CCSER1: variants seen among roughly 807,000 people sequenced by gnomAD.
The protein encoded by CCSER1 is coiled-coil serine rich protein 1.
A neutral mutation model predicts 82.0 loss-of-function variants in CCSER1; 41 were observed. The observed-to-expected ratio is 0.50, with a 90% CI of 0.39 to 0.65. The LOEUF is 0.65. Among genes scored for constraint, CCSER1 ranks in the 30% least tolerant of loss-of-function variants. The probability of loss-of-function intolerance (pLI) is 0.00; values close to 1 mark genes in which losing one functional copy is unlikely to be tolerated. For missense variants in CCSER1, 1,119 were observed against 1,064.2 expected (o/e 1.05, Z -0.72); for synonymous variants, 414 against 383.9 (o/e 1.08, Z -0.92).
intron 1 of CCSER1, among the ~76,000 whole-genome samples, chr4:90,194,163 A>C (rs1284546820): frequency 1.3e-5 from 2 of 152,068 alleles, no homozygotes; most frequent in Non-Finnish European, 2.9e-5. Context: ...ATAGTTTGGC[A>C]CAAATAGCCT....
intron 7 of CCSER1, among the ~76,000 whole-genome samples, chr4:90,728,200 G>C (rs1262647620): frequency 6.6e-6 from 1 of 152,168 alleles, no homozygotes; most frequent in African/African-American, 2.4e-5. Flanking sequence ...ACATTCCCAA[G>C]GAACTGACAG....
intron 5 of CCSER1, among the ~76,000 whole-genome samples, chr4:90,516,875 G>A (rs1164535825): frequency 6.6e-6 from 1 of 152,134 alleles, no homozygotes; most frequent in Non-Finnish European, 1.5e-5. Context: ...CTTTTATGAG[G>A]TGGATTTTGC....
At chr4:90,919,724 T>C (rs7692913) in intron 8 of CCSER1, among the ~76,000 whole-genome samples, 70,778 of 151,542 alleles carry the variant, frequency 0.47, 18,191 homozygotes, top group African/African-American at 0.7. Context: ...AGAAGAAAAA[T>C]ATTTTTATTC....
At chr4:91,183,380 T>TA (rs368660137) in intron 10 of CCSER1, among the ~76,000 whole-genome samples, 156 of 151,950 alleles carry the variant, frequency 1.0e-3, no homozygotes, top group African/African-American at 3.5e-3. Flanking sequence ...GACCTATCTG[T>TA]AAAAAACATT....
At chr4:91,374,375 A>G (rs1750254162) in intron 10 of CCSER1, among the ~76,000 whole-genome samples, 1 of 152,168 alleles carries the variant, frequency 6.6e-6, no homozygotes, top group Non-Finnish European at 1.5e-5. Context: ...GCAAATGTCC[A>G]TTTACCATTC....
At chr4:90,231,673 A>T (rs1578639925) in intron 1 of CCSER1, among the ~76,000 whole-genome samples, 1 of 151,792 alleles carries the variant, frequency 6.6e-6, no homozygotes, top group African/African-American at 2.4e-5. Context: ...GAAAAGAGGA[A>T]GTCAAATTGT....
intron 10 of CCSER1, among the ~76,000 whole-genome samples, chr4:91,177,091 C>T (rs541680271): frequency 6.6e-6 from 1 of 152,090 alleles, no homozygotes; most frequent in Non-Finnish European, 1.5e-5. Context: ...TGGTTTTTGT[C>T]TTCGGTTCTG....
At chr4:90,883,221 A>G (rs1236076690) in intron 8 of CCSER1, among the ~76,000 whole-genome samples, 1 of 152,096 alleles carries the variant, frequency 6.6e-6, no homozygotes, top group African/African-American at 2.4e-5. Context: ...TCATGGCAAT[A>G]GTAAACTAAA....
chr4:90,767,734 G>A (rs1380409072), intron 7 of CCSER1, among the ~76,000 whole-genome samples: 1 of 152,048 alleles, frequency 6.6e-6, no homozygotes. Context: ...GAGTGCAGTG[G>A]TGCTATCTCA....
intron 1 of CCSER1, among the ~76,000 whole-genome samples, chr4:90,151,334 T>C (rs1726802544): frequency 6.6e-6 from 1 of 152,028 alleles, no homozygotes; most frequent in South Asian, 2.1e-4. Context: ...TTCATAAAGA[T>C]ATATGTATCA....
intron 10 of CCSER1, among the ~76,000 whole-genome samples, chr4:91,548,336 G>A (rs9997172): frequency 0.69 from 105,187 of 151,922 alleles, 37,271 homozygotes; most frequent in African/African-American, 0.85. Flanking sequence ...ATTTATACAC[G>A]GTCATACATG....
At chr4:90,475,626 T>A (rs984090351) in intron 5 of CCSER1, among the ~76,000 whole-genome samples, 2 of 151,774 alleles carry the variant, frequency 1.3e-5, no homozygotes, top group African/African-American at 4.8e-5. Flanking sequence ...ACCTCGAGGG[T>A]GAAAAATCGC....
chr4:91,431,695 G>A (rs564636127), intron 10 of CCSER1, among the ~76,000 whole-genome samples: 6 of 152,192 alleles, frequency 3.9e-5, no homozygotes, highest in African/African-American at 7.2e-5. Flanking sequence ...TCAAACTCCC[G>A]ACCTCAGGTG....
chr4:90,207,702 T>A (rs1474590527), intron 1 of CCSER1, among the ~76,000 whole-genome samples: 3 of 152,196 alleles, frequency 2.0e-5, no homozygotes, highest in Non-Finnish European at 4.4e-5. Context: ...TTTTTGTTGA[T>A]GTTGATCCTA....
intron 10 of CCSER1, among the ~76,000 whole-genome samples, chr4:91,422,602 A>C (rs1263697869): frequency 1.3e-5 from 2 of 152,166 alleles, no homozygotes; most frequent in Non-Finnish European, 1.5e-5. Context: ...TAATTTTCAA[A>C]ATATTTCTAA....
At chr4:91,366,164 G>A (rs1852715) in intron 10 of CCSER1, among the ~76,000 whole-genome samples, 63,252 of 151,724 alleles carry the variant, frequency 0.42, 13,765 homozygotes, top group East Asian at 0.83. Context: ...GATTACAGGC[G>A]CACCACCTCC....
At chr4:90,533,820 C>A (rs1774938343) in intron 5 of CCSER1, among the ~76,000 whole-genome samples, 1 of 152,034 alleles carries the variant, frequency 6.6e-6, no homozygotes, top group African/African-American at 2.4e-5. Context: ...CTGATTGATT[C>A]TTTTATTCAT....
intron 6 of CCSER1, among the ~76,000 whole-genome samples, chr4:90,704,964 T>C (rs890485354): frequency 1.3e-5 from 2 of 152,180 alleles, no homozygotes; most frequent in African/African-American, 4.8e-5. Flanking sequence ...AAGCCTTCTT[T>C]TCTCAACTCG....
intron 5 of CCSER1, among the ~76,000 whole-genome samples, chr4:90,502,465 G>A (rs1578839651): frequency 6.6e-6 from 1 of 152,148 alleles, no homozygotes; most frequent in South Asian, 2.1e-4. Context: ...TGAGATTTGT[G>A]TGGGTGCACA....
Sources: allele counts gnomAD v4.1 joint callset (sites outside exome capture counted in the v4.1 genomes callset), GRCh38; gene constraint gnomAD v4.1.1; transcripts MANE v1.5; gene names NCBI Gene and HGNC (gene_info 2026-07-23, HGNC 2026-07-21).